IGFBP7: variants seen among roughly 807,000 people sequenced by gnomAD.
IGFBP7 encodes the protein insulin-like growth factor-binding protein 7.
IGFBP7 carries 31 observed loss-of-function variants against 29.4 expected under a neutral mutation model. That is an observed-to-expected ratio of 1.05 (90% CI 0.79 to 1.42). The LOEUF is 1.42. Ranked by LOEUF, IGFBP7 falls within the 40% of genes most tolerant of loss-of-function variation. The pLI is 0.00. For missense variants in IGFBP7, 393 were observed against 395.5 expected, an observed-to-expected ratio of 0.99 and a Z score of 0.05; for synonymous variants, 172 against 174.9, an observed-to-expected ratio of 0.98 and a Z score of 0.13.
chr4:57,077,830 TCA>T (rs1307694042), intron 1 of IGFBP7, among the ~76,000 whole-genome samples: 1 of 152,188 alleles, frequency 6.6e-6, no homozygotes, highest in Non-Finnish European at 1.5e-5. Context: ...GGTTTGAGCC[TCA>T]GTTTTCTCAT....
intron 1 of IGFBP7, among the ~76,000 whole-genome samples, chr4:57,061,711 G>C (rs1354621266): frequency 1.3e-5 from 2 of 152,210 alleles, no homozygotes; most frequent in African/African-American, 4.8e-5. Flanking sequence ...AATATTTTCG[G>C]ACCAAAACTG....
chr4:57,105,525 C>T (rs1038998120), intron 1 of IGFBP7, among the ~76,000 whole-genome samples: 5 of 152,326 alleles, frequency 3.3e-5, no homozygotes, highest in Non-Finnish European at 7.4e-5. Context: ...TGTTCATCCA[C>T]GCTTTCTATG....
chr4:57,073,738 G>A (rs1255839704), intron 1 of IGFBP7, among the ~76,000 whole-genome samples: 2 of 152,164 alleles, frequency 1.3e-5, no homozygotes, highest in Non-Finnish European at 2.9e-5. Flanking sequence ...ACAGTTACAG[G>A]CCAGGCTACA....
In IGFBP7 at chr4:57,053,019, C is replaced by CTTT. The variant is rs60116761; in HGVS notation, c.476-12089_476-12087dup. ...TATTTGATGATGCTTTCTTTTCTAT[C>CTTT]TTTTTTTTTTTTTTTGAAATGAAGT... is the stretch of plus-strand genomic sequence containing the variant. On this transcript the variant is annotated intron_variant, in intron 1 of 4. Coordinates refer to ENST00000295666, the MANE Select transcript of IGFBP7 (RefSeq NM_001553.3). 3.2e-3 allele frequency among the ~76,000 whole-genome samples: 454 copies of CTTT among 141,088 alleles called. 8 individuals are homozygous for CTTT. Among genetic ancestry groups the CTTT allele is most frequent in the African/African-American group, 9.7e-3 (368 of 37,878 alleles). 92.6% of individuals were successfully genotyped at this position (141,088 alleles called of 152,430 possible).
chr4:57,031,377 G>A, intron 4 of IGFBP7, 41 bp from the exon 5 acceptor site: 3 of 1,513,290 alleles, frequency 2.0e-6, no homozygotes, highest in Non-Finnish European at 2.7e-6. Context: ...GTTACATATG[G>A]GGATGTGGTT....
At chr4:57,084,485 A>T (rs371165919) in intron 1 of IGFBP7, among the ~76,000 whole-genome samples, 2 of 152,236 alleles carry the variant, frequency 1.3e-5, no homozygotes, top group East Asian at 3.9e-4. Flanking sequence ...GCATTATACT[A>T]TTCTGATGTC....
rs142545801 is a variant in IGFBP7, at chr4:57,054,837, C to A, written c.476-13904G>T. 4.5e-4 allele frequency among the ~76,000 whole-genome samples: 68 copies of A among 152,168 alleles called. No individual in the cohort carries two copies. In the South Asian group the frequency reaches 0.012, roughly 27 times the overall value. ...CTACAATGGGGCCAGTTCTGCTGTT[C>A]CCTGTACACTCGGACAACCAAGGAG... On this transcript the variant is annotated intron_variant, in intron 1 of 4. Coordinates refer to ENST00000295666, the MANE Select transcript of IGFBP7 (RefSeq NM_001553.3).
At chr4:57,068,847 C>G (rs150159146) in intron 1 of IGFBP7, among the ~76,000 whole-genome samples, 8 of 152,022 alleles carry the variant, frequency 5.3e-5, no homozygotes, top group African/African-American at 1.9e-4. Context: ...ATAGCTGGAG[C>G]ATGCTTTCTC....
At chr4:57,091,811 C>T (rs771292227) in intron 1 of IGFBP7, among the ~76,000 whole-genome samples, 2 of 152,148 alleles carry the variant, frequency 1.3e-5, no homozygotes, top group African/African-American at 4.8e-5. Context: ...GCTTTGCCAG[C>T]CCTCTTAAGG....
At chr4:57,096,199 TAAG>T (rs550857156) in intron 1 of IGFBP7, among the ~76,000 whole-genome samples, 1 of 150,466 alleles carries the variant, frequency 6.6e-6, no homozygotes, top group Non-Finnish European at 1.5e-5. Context: ...GCCAAAAAGA[TAAG>T]AAGTAGCCAA....
At chr4:57,059,044 G>C (rs1054210717) in intron 1 of IGFBP7, among the ~76,000 whole-genome samples, 1 of 152,162 alleles carries the variant, frequency 6.6e-6, no homozygotes, top group African/African-American at 2.4e-5. Context: ...ACCACAATGA[G>C]ATACCATCTT....
At chr4:57,091,586 A>G (rs910925822) in intron 1 of IGFBP7, among the ~76,000 whole-genome samples, 1 of 152,242 alleles carries the variant, frequency 6.6e-6, no homozygotes, top group African/African-American at 2.4e-5. Flanking sequence ...ATATGAACAT[A>G]TGTGAAAATT....
chr4:57,061,391 A>G lies in IGFBP7; in HGVS notation c.476-20458T>C, dbSNP rs544908868. 3.3e-5 allele frequency among the ~76,000 whole-genome samples: 5 copies of G among 152,344 alleles called. No individual in the cohort carries two copies. The East Asian group carries it at 9.6e-4, about 29-fold the overall frequency. On this transcript the variant is annotated intron_variant, in intron 1 of 4. Transcript: ENST00000295666. The stretch of plus-strand genomic sequence containing the variant: ...GGCACGGTAAGAGATTAACAACAGC[A>G]ACTAATAGTAAAATAGAACAACTAT...
chr4:57,035,375 C>T (rs1211315752), intron 2 of IGFBP7, among the ~76,000 whole-genome samples: 1 of 152,120 alleles, frequency 6.6e-6, no homozygotes, highest in Non-Finnish European at 1.5e-5. Flanking sequence ...AAAAAAGTGC[C>T]AAGAATTTTC....
At chr4:57,031,476 A>T (rs1723925473) in intron 4 of IGFBP7, 140 bp from the exon 5 acceptor site, 2 of 681,408 alleles carry the variant, frequency 2.9e-6, no homozygotes, top group Admixed American at 4.8e-5. Context: ...AATTGTATAA[A>T]TGATATGCTG....
At chr4:57,091,925 A>G (rs1018209420) in intron 1 of IGFBP7, among the ~76,000 whole-genome samples, 1 of 152,226 alleles carries the variant, frequency 6.6e-6, no homozygotes, top group Non-Finnish European at 1.5e-5. Flanking sequence ...TCACAGGAGG[A>G]GAATAACAGC....
At chr4:57,048,570 G>A (rs1028089088) in intron 1 of IGFBP7, among the ~76,000 whole-genome samples, 8 of 152,106 alleles carry the variant, frequency 5.3e-5, no homozygotes, top group Non-Finnish European at 1.2e-4. Context: ...AATATCATGA[G>A]GAAAAGACTT....
chr4:57,101,686 TC>T (rs940308168), intron 1 of IGFBP7, among the ~76,000 whole-genome samples: 4 of 151,024 alleles, frequency 2.6e-5, no homozygotes, highest in South Asian at 2.1e-4. Context: ...AGTAAACGTT[TC>T]CCCCCCTCCC....
chr4:57,048,262 G>A (rs1724414882), intron 1 of IGFBP7, among the ~76,000 whole-genome samples: 1 of 151,352 alleles, frequency 6.6e-6, no homozygotes, highest in African/African-American at 2.4e-5. Context: ...TGTTACCCAG[G>A]ATGGTCTCGA....
Sources: allele counts gnomAD v4.1 joint callset (sites outside exome capture counted in the v4.1 genomes callset), GRCh38; gene constraint gnomAD v4.1.1; transcripts MANE v1.5; gene names NCBI Gene and HGNC (gene_info 2026-07-23, HGNC 2026-07-21).